The following MOGS variants were observed in gnomAD, a reference collection of about 807,000 sequenced individuals.
The protein encoded by MOGS is epididymis secretory sperm binding protein.
MOGS carries 45 observed loss-of-function variants against 68.5 expected under a neutral mutation model. That is an observed-to-expected ratio of 0.66 (90% CI 0.52 to 0.84). The LOEUF (loss-of-function observed/expected upper bound fraction) is 0.84. MOGS is among the 40% of genes least tolerant of loss of function. The pLI is 0.00. For missense variants in MOGS, 1,020 were observed against 1,095.0 expected (o/e 0.93, Z 0.97); for synonymous variants, 492 against 461.2 (o/e 1.07, Z -0.86).
In MOGS at chr2:74,464,726, G is replaced by A. The variant is rs1672017124; in HGVS notation, c.353-4C>T. 6.2e-7 allele frequency: 1 copy of A among 1,609,002 alleles called. No homozygotes were observed. The highest frequency in any genetic ancestry group is 2.2e-5 in the East Asian group (1 of 44,736). ...CCCTGCTGCGCCCACATCAGTCCTG[G>A]GGGTAGAATGGCCACGTAAGTCAAA... On this transcript the variant is annotated splice_polypyrimidine_tract_variant and splice_region_variant and intron_variant, in intron 1 of 3. Coordinates refer to ENST00000448666, the MANE Select transcript of MOGS (RefSeq NM_006302.3).
At position 74,462,666 on chromosome 2, in the gene MOGS, T is replaced by C; in HGVS notation, c.1123A>G (p.Thr375Ala). Reference protein sequence around the residue: ...AEGFRERFEKTFQLKEKGLSS... With the variant: ...AEGFRERFEKAFQLKEKGLSS... ...AGGCCCTTCTCCTTCAGCTGGAAGG[T>C]CTTCTCAAAGCGCTCTCTAAAGCCT... Residue 375 changes from threonine (T) to alanine (A), a missense_variant, in exon 4 of 4, where the codon ACC (threonine) becomes GCC (alanine). Transcript: ENST00000448666. The C allele has an allele frequency of 3.1e-6, 5 of 1,614,176 alleles. No homozygotes were observed. Among genetic ancestry groups the C allele is most frequent in the Non-Finnish European group, 4.2e-6 (5 of 1,180,024 alleles).
Position 74,464,515 on chromosome 2 carries a change from C to G in MOGS, c.560G>C (p.Arg187Thr). Residue 187 changes from arginine to threonine, a missense_variant, in exon 2 of 4, where the codon AGA becomes ACA. Transcript: ENST00000448666. ...CCTGACCTGAGGCTCTACAGTCACT[C>G]TCCAGCTCCAGTCCCCTCCGTGCTG... is the stretch of plus-strand genomic sequence containing the variant. ...GGQHGGDWSWRVTVEPQDSGT... is the reference protein window; with the variant it reads ...GGQHGGDWSWTVTVEPQDSGT... 1 of 1,614,166 alleles carries G rather than the reference C, an allele frequency of 6.2e-7. No individual in the cohort carries two copies. The highest frequency in any genetic ancestry group is 8.5e-7 in the Non-Finnish European group (1 of 1,180,028).
chr2:74,461,654 A>G lies in MOGS; in HGVS notation c.2135T>C (p.Leu712Pro). ...LDPTSSRLGP[L>P]LDILADSRHL... ...GCGGCTGTCGGCTAGAATGTCCAGCAGGGGCCCAAGGCGGGATGAGGTGGG... is the reference window on the plus strand; with the variant it reads ...GCGGCTGTCGGCTAGAATGTCCAGCGGGGGCCCAAGGCGGGATGAGGTGGG... The change falls in exon 4 of 4, where the codon CTG becomes CCG. Residue 712 changes from leucine to proline, a missense_variant. Coordinates refer to ENST00000448666, the MANE Select transcript of MOGS (RefSeq NM_006302.3). The G allele has an allele frequency of 6.2e-7, 1 of 1,614,180 alleles. No individual in the cohort carries two copies. The highest frequency in any genetic ancestry group is 1.1e-5 in the South Asian group (1 of 91,088).
rs886745696 is a variant in MOGS, at chr2:74,462,889, C to T, written c.900G>A (p.Leu300=). ...TGTCCTCCCACTTCAGGGATCCTGG[C>T]AAGCCGAGGTAGCGTTCAGGGGGGG... ...PGAPPERYLG[L]PGSLKWEDRG... Residue 300 remains leucine (L), a synonymous_variant, in exon 4 of 4, where the codon TTG becomes TTA. Transcript: ENST00000448666. 1.2e-6 allele frequency: 2 copies of T among 1,614,034 alleles called. No individual in the cohort carries two copies. The highest frequency in any genetic ancestry group is 1.7e-5 in the Admixed American group (1 of 60,000).
intron 3 of MOGS, 88 bp from the exon 4 acceptor site, chr2:74,463,100 G>T: frequency 1.2e-6 from 2 of 1,609,178 alleles, no homozygotes; most frequent in Non-Finnish European, 1.7e-6. Context: ...CAGGAGTCAG[G>T]TTGGGAGGTC....
Position 74,461,678 on chromosome 2 carries a change from G to C in MOGS, c.2111C>G (p.Pro704Arg). The C allele has an allele frequency of 6.2e-7, 1 of 1,614,214 alleles. No individual in the cohort carries two copies. Among genetic ancestry groups the C allele is most frequent in the South Asian group, 1.1e-5 (1 of 91,088 alleles). Residue 704 changes from proline (P) to arginine (R), a missense_variant, in exon 4 of 4, where the codon CCC becomes CGC. By Grantham distance (103) the Pro-to-Arg change is moderately radical. This residue lies in a region of MOGS where 270 missense variants were observed against 261.3 expected (regional missense o/e 1.03). Transcript: ENST00000448666. ...CAGGGGCCCAAGGCGGGATGAGGTG[G>C]GGTCCAGCAGTCGCAGCAGCAAGGG... The part of the protein sequence containing the change: ...LFPLLLRLLD[P>R]TSSRLGPLLD...
rs753171705 is a variant in MOGS, at chr2:74,461,314, C to G, written c.2475G>C (p.Trp825Cys). The change falls in exon 4 of 4, where the codon TGG (tryptophan) becomes TGC (cysteine). Residue 825 changes from tryptophan (W) to cysteine (C), a missense_variant. Trp to Cys is a radical substitution (Grantham distance 215). Coordinates refer to ENST00000448666, the MANE Select transcript of MOGS (RefSeq NM_006302.3). ...CCATGGCCAGTAAGACAAGGCTGGT[C>G]CAGCCGTGGAAAGGGCGGCAGCCCA... The part of the protein sequence containing the change: ...RGMGCRPFHG[W>C]TSLVLLAMAE... 6.2e-7 allele frequency: 1 copy of G among 1,614,088 alleles called. No individual in the cohort carries two copies. Among genetic ancestry groups the G allele is most frequent in the Non-Finnish European group, 8.5e-7 (1 of 1,180,050 alleles).
In MOGS at chr2:74,465,358, G is replaced by C; in HGVS notation, c.-111C>G. The C allele has an allele frequency of 9.5e-6, 5 of 523,768 alleles. No individual in the cohort carries two copies. The highest frequency in any genetic ancestry group is 1.2e-5 in the Non-Finnish European group (4 of 323,952). 32.4% of individuals were successfully genotyped at this position (523,768 alleles called of 1,614,324 possible). Reference sequence around the variant, plus strand: ...CGCCCTGGCGACCACCGTCCGGTTAGCGACACCTGCCAGCCAGCGCCTGCG... The same window carrying C: ...CGCCCTGGCGACCACCGTCCGGTTACCGACACCTGCCAGCCAGCGCCTGCG... On this transcript the variant is annotated 5_prime_UTR_variant, in exon 1 of 4. Coordinates refer to ENST00000448666, the MANE Select transcript of MOGS (RefSeq NM_006302.3).
Position 74,464,988 on chromosome 2 carries a change from C to A in MOGS, c.260G>T (p.Ser87Ile), listed in dbSNP as rs770668064. The A allele has an allele frequency of 1.3e-6, 2 of 1,559,350 alleles. No individual in the cohort carries two copies. Among genetic ancestry groups the A allele is most frequent in the East Asian group, 4.8e-5 (2 of 41,824 alleles). ...APPVLPADSS[S>I]PAVAPDLFWG... ...GAAGAGGTCCGGGGCCACGGCGGGG[C>A]TGGAGGAGTCGGCAGGCAACACAGG... is the stretch of plus-strand genomic sequence containing the variant. Residue 87 changes from serine to isoleucine, a missense_variant, in exon 1 of 4, where the codon AGC becomes ATC. This residue lies in a region of MOGS where 569 missense variants were observed against 571.9 expected (regional missense o/e 0.99). Transcript: ENST00000448666.
chr2:74,461,928 C>T lies in MOGS; in HGVS notation c.1861G>A (p.Ala621Thr). ...LTRLAEHLGEAEVAAELGPLA... is the reference protein window; with the variant it reads ...LTRLAEHLGETEVAAELGPLA... ...GGGCCCAGCTCAGCAGCTACCTCAG[C>T]CTCACCCAGATGCTCTGCCAGCCGC... Residue 621 changes from alanine (A) to threonine (T), a missense_variant, in exon 4 of 4, where the codon GCT (alanine) becomes ACT (threonine). Ala to Thr is a moderately conservative substitution (Grantham distance 58). Around this residue, in one of 3 missense-constraint regions of MOGS, gnomAD observed 181 missense variants for 261.8 expected, o/e 0.69. Coordinates refer to ENST00000448666, the MANE Select transcript of MOGS (RefSeq NM_006302.3). The T allele has an allele frequency of 1.9e-6, 3 of 1,614,122 alleles. No homozygotes were observed. Among genetic ancestry groups the T allele is most frequent in the South Asian group, 1.1e-5 (1 of 91,086 alleles).
At position 74,461,500 on chromosome 2, in the gene MOGS, CA is replaced by C; in HGVS notation, c.2288del (p.Leu763TrpfsTer30). The C allele has an allele frequency of 6.2e-7, 1 of 1,614,002 alleles. No individual in the cohort carries two copies. Reference protein sequence around the residue: ...AVWLNVNYLALGALHHYGHLE... With the variant: ...AVWLNVNYLAXGALHHYGHLE... ...GATGCCCATAGTGGTGGAGTGCTCC[CA>C]AAGCCAGGTAGTTGACATTGAGCCA... On this transcript the variant is annotated frameshift_variant, in exon 4 of 4. Transcript: ENST00000448666. LOFTEE classifies it high-confidence loss of function.
chr2:74,461,480 C>T lies in MOGS; in HGVS notation c.2309G>A (p.Gly770Glu). 2 of 1,614,146 alleles carry T rather than the reference C, an allele frequency of 1.2e-6. No homozygotes were observed. Among genetic ancestry groups the T allele is most frequent in the Non-Finnish European group, 8.5e-7 (1 of 1,180,032 alleles). Residue 770 changes from glycine to glutamate, a missense_variant, in exon 4 of 4, where the codon GGG becomes GAG. By Grantham distance (98) the Gly-to-Glu change is moderately conservative (BLOSUM62 -2). Coordinates refer to ENST00000448666, the MANE Select transcript of MOGS (RefSeq NM_006302.3). Reference protein sequence around the residue: ...YLALGALHHYGHLEGPHQARA... With the variant: ...YLALGALHHYEHLEGPHQARA... ...AGCCTGGTGAGGACCCTCCAGATGC[C>T]CATAGTGGTGGAGTGCTCCCAAAGC...
At position 74,461,646 on chromosome 2, in the gene MOGS, T is replaced by C. The variant is rs1671907614; in HGVS notation, c.2143A>G (p.Ile715Val). 3.7e-6 allele frequency: 6 copies of C among 1,614,126 alleles called. No individual in the cohort carries two copies. In the East Asian group the frequency reaches 1.3e-4, roughly 36 times the overall value. ...TSSRLGPLLD[I>V]LADSRHLWSP... is the part of the protein sequence containing the mutation. ...CAGAGATGGCGGCTGTCGGCTAGAATGTCCAGCAGGGGCCCAAGGCGGGAT... is the reference window on the plus strand; with the variant it reads ...CAGAGATGGCGGCTGTCGGCTAGAACGTCCAGCAGGGGCCCAAGGCGGGAT... The change falls in exon 4 of 4, where the codon ATT becomes GTT. Residue 715 changes from isoleucine (I) to valine (V), a missense_variant. Ile to Val is a conservative substitution (Grantham distance 29, BLOSUM62 3). Coordinates refer to ENST00000448666, the MANE Select transcript of MOGS (RefSeq NM_006302.3).
At position 74,462,856 on chromosome 2, in the gene MOGS, T is replaced by C. The variant is rs1266572619; in HGVS notation, c.933A>G (p.Pro311=). The C allele has an allele frequency of 1.2e-6, 2 of 1,614,088 alleles. No individual in the cohort carries two copies. Among genetic ancestry groups the C allele is most frequent in the Non-Finnish European group, 1.7e-6 (2 of 1,180,060 alleles). The change falls in exon 4 of 4, where the codon CCA becomes CCG. Residue 311 remains proline (P), a synonymous_variant. Coordinates refer to ENST00000448666, the MANE Select transcript of MOGS (RefSeq NM_006302.3). ...PGSLKWEDRG[P]SGQGQGQFLI... ...AGAACTGCCCCTGCCCTTGCCCACT[T>C]GGACCTCTGTCCTCCCACTTCAGGG...
Position 74,464,022 on chromosome 2 carries a change from C to A in MOGS, c.579+474G>T, listed in dbSNP as rs1350946140. Among the ~76,000 whole-genome samples the A allele has an allele frequency of 2.7e-5, 4 of 150,066 alleles. No homozygotes were observed. In the East Asian group the frequency reaches 7.8e-4, roughly 29 times the overall value. ...TTGCCCAGGCTGGAGTGCAATGGCACGATCTCGGCTCAGCGCAACCTCCAC... is the reference window on the plus strand; with the variant it reads ...TTGCCCAGGCTGGAGTGCAATGGCAAGATCTCGGCTCAGCGCAACCTCCAC... On this transcript the variant is annotated intron_variant, in intron 2 of 3. Transcript: ENST00000448666.
rs1400653037 is a variant in MOGS, at chr2:74,465,128, C to G, written c.120G>C (p.Thr40=). The part of the protein sequence containing the change: ...RDGRGGGPRS[T]AGGVALAVVV... ...CGACGGCCAGAGCCACTCCTCCAGC[C>G]GTGCTACGCGGCCCGCCGCCCCGGC... The change falls in exon 1 of 4, where the codon ACG becomes ACC. Residue 40 remains threonine, a synonymous_variant. Coordinates refer to ENST00000448666, the MANE Select transcript of MOGS (RefSeq NM_006302.3). 1.3e-6 allele frequency: 2 copies of G among 1,535,846 alleles called. No homozygotes were observed. Among genetic ancestry groups the G allele is most frequent in the Admixed American group, 2.0e-5 (1 of 50,876 alleles).
chr2:74,462,577 G>C lies in MOGS; in HGVS notation c.1212C>G (p.Tyr404Ter). The change falls in exon 4 of 4, where the codon TAC becomes TAG. Residue 404 changes from tyrosine (Y) to a stop codon, truncating the protein, a stop_gained. Coordinates refer to ENST00000448666, the MANE Select transcript of MOGS (RefSeq NM_006302.3). LOFTEE classifies it high-confidence loss of function. ...GCAATACCAGCCCTTGTCCGTAGAA[G>C]TAGCCAATTCCACCAAGGAGGCCGC... ...ALSGLLGGIGYFYGQGLVLPD... is the reference protein window; with the variant it reads ...ALSGLLGGIG The C allele has an allele frequency of 6.2e-7, 1 of 1,613,678 alleles. No homozygotes were observed. Among genetic ancestry groups the C allele is most frequent in the Non-Finnish European group, 8.5e-7 (1 of 1,179,688 alleles).
Position 74,462,744 on chromosome 2 carries a change from G to C in MOGS, c.1045C>G (p.Leu349Val), listed in dbSNP as rs748701808. Residue 349 changes from leucine (L) to valine (V), a missense_variant, in exon 4 of 4, where the codon CTG (leucine) becomes GTG (valine). Leu to Val is a conservative substitution (Grantham distance 32). Around this residue, in one of 3 missense-constraint regions of MOGS, gnomAD observed 569 missense variants for 571.9 expected, o/e 0.99. Coordinates refer to ENST00000448666, the MANE Select transcript of MOGS (RefSeq NM_006302.3). ...AGTAGACTGCCTGCCAGTCTTGGCA[G>C]GGCTTGATTTCCTCCTGCCTGGGCA... ...GSAQAGGNQALPRLAGSLLTQ... is the reference protein window; with the variant it reads ...GSAQAGGNQAVPRLAGSLLTQ... 12 of 1,614,230 alleles carry C rather than the reference G, an allele frequency of 7.4e-6. No individual in the cohort carries two copies. Among genetic ancestry groups the C allele is most frequent in the Middle Eastern group, 1.6e-4 (1 of 6,062 alleles).
At position 74,465,064 on chromosome 2, in the gene MOGS, C is replaced by T. The variant is rs79181168; in HGVS notation, c.184G>A (p.Val62Met). The T allele has an allele frequency of 0.055, 84,864 of 1,555,884 alleles. 2,755 individuals carry two copies. Among genetic ancestry groups the T allele is most frequent in the Non-Finnish European group, 0.066 (75,467 of 1,151,450 alleles). The change falls in exon 1 of 4, where the codon GTG becomes ATG. Residue 62 changes from valine to methionine, a missense_variant. This residue lies in a region of MOGS where 569 missense variants were observed against 571.9 expected (regional missense o/e 0.99). Coordinates refer to ENST00000448666, the MANE Select transcript of MOGS (RefSeq NM_006302.3). ...SLALGMSGRW[V>M]LAWYRARRAV... The stretch of plus-strand genomic sequence containing the variant: ...CGCCGCGCACGGTACCACGCCAGCA[C>T]CCAGCGCCCCGACATACCCAGGGCC...
Sources: allele counts gnomAD v4.1 joint callset (sites outside exome capture counted in the v4.1 genomes callset), GRCh38; gene constraint gnomAD v4.1.1; regional missense constraint gnomAD v4.1.1; transcripts MANE v1.5; gene names NCBI Gene and HGNC (gene_info 2026-07-23, HGNC 2026-07-21).